The following RTL9 variants were observed in gnomAD, a reference collection of about 807,000 sequenced individuals.
The protein encoded by RTL9 is retrotransposon Gag like 9, also known as retrotransposon Gag-like protein 9.
In RTL9, 19 loss-of-function variants were observed where a neutral mutation model predicts 44.7. That is an observed-to-expected ratio of 0.42 (90% CI 0.30 to 0.62). The LOEUF (loss-of-function observed/expected upper bound fraction) is 0.62. Among genes scored for constraint, RTL9 ranks in the 20% least tolerant of loss-of-function variants. The pLI is 0.16. For missense variants in RTL9, 1,105 were observed against 1,080.6 expected, an observed-to-expected ratio of 1.02 and a Z score of -0.32; for synonymous variants, 407 against 398.9, an observed-to-expected ratio of 1.02 and a Z score of -0.24.
chrX:110,362,368 C>T (rs1459701859), intron 1 of RTL9, among the ~76,000 whole-genome samples: 1 of 111,773 alleles, frequency 8.9e-6, no homozygotes, highest in Non-Finnish European at 1.9e-5. Flanking sequence ...TCTATTTAAC[C>T]CTCCTGACTC....
intron 1 of RTL9, among the ~76,000 whole-genome samples, chrX:110,412,912 A>G (rs1050835921): frequency 1.8e-5 from 2 of 112,206 alleles, no homozygotes; most frequent in African/African-American, 6.5e-5. Flanking sequence ...CCCTTGAGCA[A>G]TAATTAGAGT....
chrX:110,430,784 A>G (rs774848891), intron 1 of RTL9, among the ~76,000 whole-genome samples: 1 of 112,612 alleles, frequency 8.9e-6, no homozygotes, highest in African/African-American at 3.2e-5. Flanking sequence ...AGATTTGCTG[A>G]GTGAATAAAT....
rs772172081 is a variant in RTL9, at chrX:110,454,305, T to A, written c.3688T>A (p.Ser1230Thr). The change falls in exon 1 of 2, where the codon TCT becomes ACT. Residue 1230 changes from serine to threonine, a missense_variant. By Grantham distance (58) the Ser-to-Thr change is moderately conservative. Transcript: ENST00000540313. Reference sequence around the variant, plus strand: ...ATCCCAGGGCATATATGACTCCCTATCTGAGATAGACATCCTCAGTGCTGT... The same window carrying A: ...ATCCCAGGGCATATATGACTCCCTAACTGAGATAGACATCCTCAGTGCTGT... 33 of 1,211,691 alleles carry A rather than the reference T, an allele frequency of 2.7e-5. No homozygotes were observed. The South Asian group carries it at 5.3e-4, about 19-fold the overall frequency.
intron 1 of RTL9, among the ~76,000 whole-genome samples, chrX:110,381,194 G>A (rs749287381): frequency 9.0e-6 from 1 of 111,719 alleles, no homozygotes; most frequent in East Asian, 2.8e-4. Flanking sequence ...TCCAACAAAG[G>A]ACTAATATCC....
At chrX:110,375,537 G>GATGA (rs72153865) in intron 1 of RTL9, among the ~76,000 whole-genome samples, 35 of 109,459 alleles carry the variant, frequency 3.2e-4, no homozygotes, top group Admixed American at 6.8e-4. Context: ...TGGATGAATA[G>GATGA]ATGAATGAAT....
intron 1 of RTL9, among the ~76,000 whole-genome samples, chrX:110,390,553 T>C (rs2068487672): frequency 9.0e-6 from 1 of 111,175 alleles, no homozygotes; most frequent in Non-Finnish European, 1.9e-5. Flanking sequence ...GCCCAGAGGA[T>C]ATCAGGGGAC....
intron 1 of RTL9, among the ~76,000 whole-genome samples, chrX:110,400,478 C>T (rs1444755809): frequency 1.8e-5 from 2 of 110,167 alleles, no homozygotes; most frequent in African/African-American, 3.3e-5. Context: ...TCAGAAGTGT[C>T]GCTCAGTAAT....
At chrX:110,446,979 A>G (rs916133756), upstream of RTL9, among the ~76,000 whole-genome samples, 3 of 110,957 alleles carry the variant, frequency 2.7e-5, no homozygotes, top group African/African-American at 9.9e-5. Context: ...GTGAGTGTCA[A>G]ATGAGATCAT....
At chrX:110,399,755 C>T (rs755685972) in intron 1 of RTL9, among the ~76,000 whole-genome samples, 1 of 111,902 alleles carries the variant, frequency 8.9e-6, no homozygotes, top group Admixed American at 9.5e-5. Flanking sequence ...TAGCATAAGA[C>T]TATAGTGTGG....
chrX:110,375,954 T>C (rs749040702), intron 1 of RTL9, among the ~76,000 whole-genome samples: 5 of 111,714 alleles, frequency 4.5e-5, no homozygotes, highest in South Asian at 7.7e-4. Flanking sequence ...ATTGACTACA[T>C]ACAGTAATGC....
chrX:110,451,045 T>A, exon 1 of RTL9: 1 of 1,211,897 alleles, frequency 8.3e-7, no homozygotes, highest in Non-Finnish European at 1.1e-6. Context: ...CCAGGGATGA[T>A]GACAATTCCT....
intron 1 of RTL9, among the ~76,000 whole-genome samples, chrX:110,441,641 A>G (rs1398046285): frequency 8.9e-6 from 1 of 112,246 alleles, no homozygotes; most frequent in Admixed American, 9.4e-5. Context: ...GAGATCCAAG[A>G]TAATACCCAG....
chrX:110,374,412 A>C (rs995858904), intron 1 of RTL9, among the ~76,000 whole-genome samples: 4 of 112,000 alleles, frequency 3.6e-5, no homozygotes, highest in Non-Finnish European at 3.8e-5. Flanking sequence ...ATCTGGACAT[A>C]TATTTATTTT....
intron 1 of RTL9, among the ~76,000 whole-genome samples, chrX:110,373,289 C>T (rs2068352131): frequency 9.0e-6 from 1 of 111,504 alleles, no homozygotes. Context: ...AATAAACTCA[C>T]CCATAAGAAG....
intron 1 of RTL9, among the ~76,000 whole-genome samples, chrX:110,435,871 A>G (rs926986310): frequency 1.8e-5 from 2 of 112,628 alleles, no homozygotes; most frequent in East Asian, 5.5e-4. Flanking sequence ...TACACAGGTT[A>G]CATGAAGTAA....
intron 1 of RTL9, among the ~76,000 whole-genome samples, chrX:110,403,177 G>A (rs2068576339): frequency 8.9e-6 from 1 of 111,797 alleles, no homozygotes; most frequent in African/African-American, 3.3e-5. Flanking sequence ...GAAAAAGGAA[G>A]GCCAGAGATG....
rs747141504 is a variant in RTL9 at position 110,433,354 on chromosome X, C to G, written c.-167-11799C>G. ...CAAAGGCAATTCCAAGCACTTCTCT[C>G]TCTTCCACTAAGCAGTCTGTTGTCA... On this transcript the variant is annotated intron_variant, in intron 1 of 3. Coordinates refer to the RTL9 transcript ENST00000465301. 3.6e-5 allele frequency among the ~76,000 whole-genome samples: 4 copies of G among 111,999 alleles called. No homozygotes were observed. The Admixed American group carries it at 3.8e-4, about 11-fold the overall frequency.
intron 1 of RTL9, among the ~76,000 whole-genome samples, chrX:110,412,276 G>A (rs961216726): frequency 8.9e-6 from 1 of 112,406 alleles, no homozygotes; most frequent in Non-Finnish European, 1.9e-5. Context: ...TGTCTTAGGA[G>A]TTTACCTTTG....
exon 2 of RTL9, chrX:110,455,356 C>A (rs16986013): frequency 4.1e-5 from 49 of 1,196,096 alleles, no homozygotes; most frequent in Non-Finnish European, 5.4e-5. Context: ...ATATCTGACT[C>A]GACCGCTAAC....
Sources: allele counts gnomAD v4.1 joint callset (sites outside exome capture counted in the v4.1 genomes callset), GRCh38; gene constraint gnomAD v4.1.1; transcripts MANE v1.5; gene names NCBI Gene and HGNC (gene_info 2026-07-23, HGNC 2026-07-21).